Variants in VAC14 observed in about 807,000 individuals in gnomAD.
VAC14 encodes protein VAC14 homolog.
In VAC14, 47 loss-of-function variants were observed where a neutral mutation model predicts 85.3. The ratio of observed to expected loss-of-function variants is 0.55; its 90% CI spans 0.44 to 0.70. The LOEUF (loss-of-function observed/expected upper bound fraction) is 0.70, where lower values mean the gene tolerates loss of function less well. Among genes scored for constraint, VAC14 ranks in the 30% least tolerant of loss-of-function variants. The probability of loss-of-function intolerance (pLI) is 0.00; values close to 1 mark genes in which losing one functional copy is unlikely to be tolerated. For synonymous variants in VAC14, 447 were observed against 430.5 expected (o/e 1.04, Z -0.47); for missense variants, 861 against 1,004.3 (o/e 0.86, Z 1.93).
chr16:70,724,441 C>G (rs2054371043), intron 14 of VAC14, among the ~76,000 whole-genome samples: 1 of 152,192 alleles, frequency 6.6e-6, no homozygotes, highest in African/African-American at 2.4e-5. Flanking sequence ...GCAGGCTGGG[C>G]CAGGCTCTCT....
intron 1 of VAC14, among the ~76,000 whole-genome samples, chr16:70,793,859 C>G (rs2034435765): frequency 6.6e-6 from 1 of 152,254 alleles, no homozygotes; most frequent in Admixed American, 6.5e-5. Flanking sequence ...TTATACATAG[C>G]ACACGAGGTT....
In VAC14 at chr16:70,762,615, A is replaced by G; in HGVS notation, c.1306-10T>C. On this transcript the variant is annotated splice_polypyrimidine_tract_variant and intron_variant, in intron 11 of 18. Coordinates refer to ENST00000261776, the MANE Select transcript of VAC14 (RefSeq NM_018052.5). The surrounding 1 kb of genome is among the most constrained non-coding windows in gnomAD (Gnocchi z 4.1). ...CCGTGTGCCGGAACATCTGGAGGGC[A>G]GAGAAGCAGGGGTGCCCGTGAGTGC... is the stretch of plus-strand genomic sequence containing the variant. 1 of 1,613,950 alleles carries G rather than the reference A, an allele frequency of 6.2e-7. No individual in the cohort carries two copies.
At position 70,762,562 on chromosome 16, in the gene VAC14, G is replaced by T; in HGVS notation, c.1349C>A (p.Thr450Lys). The change falls in exon 12 of 19, where the codon ACG (threonine) becomes AAG (lysine). Residue 450 changes from threonine to lysine, a missense_variant. Transcript: ENST00000261776. The surrounding 1 kb of genome is among the most constrained non-coding windows in gnomAD (Gnocchi z 4.1). ...TACCTCATCCGATTCATCCGATAAC[G>T]TCTGCAGTAGGATGGGAAAGAGGCT... ...TDSLFPILLQ[T>K]LSDESDEVIL... 6.2e-7 allele frequency: 1 copy of T among 1,614,130 alleles called. No homozygotes were observed. Among genetic ancestry groups the T allele is most frequent in the Non-Finnish European group, 8.5e-7 (1 of 1,180,000 alleles).
intron 1 of VAC14, among the ~76,000 whole-genome samples, chr16:70,795,780 G>A (rs1180846212): frequency 6.6e-6 from 1 of 152,206 alleles, no homozygotes; most frequent in Admixed American, 6.5e-5. Context: ...TGAACTCAAA[G>A]TTCAAAAACA....
At chr16:70,717,328 G>A (rs1389075636) in intron 14 of VAC14, among the ~76,000 whole-genome samples, 2 of 152,258 alleles carry the variant, frequency 1.3e-5, no homozygotes, top group Non-Finnish European at 2.9e-5. Flanking sequence ...GGAGGAGGAA[G>A]AGCCAGCTGT....
At chr16:70,784,629 C>A in intron 4 of VAC14, 147 bp downstream of exon 4, 1 of 812,090 alleles carries the variant, frequency 1.2e-6, no homozygotes, top group Admixed American at 2.1e-5. Context: ...ATATTCTTGT[C>A]ATAGAACTGC....
intron 10 of VAC14, chr16:70,770,706 G>C (rs1228933996): frequency 1.3e-5 from 2 of 152,202 alleles, no homozygotes; most frequent in African/African-American, 4.8e-5. Flanking sequence ...ATGAAGGTCA[G>C]GGACACATTC....
chr16:70,799,725 G>T (rs2034687593), intron 1 of VAC14, among the ~76,000 whole-genome samples: 1 of 152,134 alleles, frequency 6.6e-6, no homozygotes, highest in Admixed American at 6.5e-5. Flanking sequence ...GAGAAACCCT[G>T]AGTTAAGGAA....
At chr16:70,715,383 CGGGCA>C (rs2142997207) in intron 14 of VAC14, 1 of 152,424 alleles carries the variant, frequency 6.6e-6, no homozygotes, top group Admixed American at 6.5e-5. Context: ...CTAACCCTGG[CGGGCA>C]GGGACTAGCT....
intron 10 of VAC14, among the ~76,000 whole-genome samples, chr16:70,764,884 C>T (rs2032685747): frequency 6.6e-6 from 1 of 152,202 alleles, no homozygotes; most frequent in African/African-American, 2.4e-5. Context: ...GTTTCCTAGC[C>T]ACTCCCTTAG....
chr16:70,710,436 G>C (rs190233681), intron 14 of VAC14, among the ~76,000 whole-genome samples: 14 of 152,316 alleles, frequency 9.2e-5, no homozygotes, highest in African/African-American at 3.4e-4. Context: ...CCTGCAAACC[G>C]CAGGGGGACT....
intron 7 of VAC14, 114 bp downstream of exon 7, chr16:70,782,919 C>T (rs1313618963): frequency 5.2e-6 from 5 of 966,054 alleles, no homozygotes; most frequent in African/African-American, 4.9e-5. Context: ...ATATTCCTAC[C>T]AGGAATCTCC....
chr16:70,688,665 C>T, intron 18 of VAC14: 1 of 985,624 alleles, frequency 1.0e-6, no homozygotes, highest in Non-Finnish European at 1.2e-6. Flanking sequence ...ATGCCTACAG[C>T]TCCTACATTC....
intron 14 of VAC14, among the ~76,000 whole-genome samples, chr16:70,701,379 C>A (rs2053824837): frequency 6.6e-6 from 1 of 152,158 alleles, no homozygotes; most frequent in Admixed American, 6.5e-5. Flanking sequence ...GACTTGCCAA[C>A]CCCCTCCTCA....
chr16:70,768,841 C>T, intron 10 of VAC14: 2 of 453,568 alleles, frequency 4.4e-6, no homozygotes, highest in Non-Finnish European at 8.8e-6. Context: ...CGCTCTGTCA[C>T]CCAGGCTAGA....
chr16:70,797,561 TC>T (rs1365189460), intron 1 of VAC14, among the ~76,000 whole-genome samples: 6 of 152,204 alleles, frequency 3.9e-5, no homozygotes, highest in Non-Finnish European at 7.3e-5. Context: ...CAATTCTCTC[TC>T]TATGTATACA....
chr16:70,763,660 G>A (rs1181712378), intron 10 of VAC14, among the ~76,000 whole-genome samples: 1 of 152,170 alleles, frequency 6.6e-6, no homozygotes, highest in Non-Finnish European at 1.5e-5. Context: ...ACCAAAATGC[G>A]CTCCTTTGAG....
At chr16:70,689,831 G>C (rs1250644242) in intron 18 of VAC14, 3 of 985,348 alleles carry the variant, frequency 3.0e-6, no homozygotes, top group Non-Finnish European at 3.6e-6. Flanking sequence ...AGTAACCTTG[G>C]GAACCAGGTG....
chr16:70,761,394 A>C, intron 12 of VAC14: 1 of 201,678 alleles, frequency 5.0e-6, no homozygotes, highest in Non-Finnish European at 1.0e-5. Flanking sequence ...CTTGGCGCTC[A>C]GAAGAGGAAA....
Sources: allele counts gnomAD v4.1 joint callset (sites outside exome capture counted in the v4.1 genomes callset), GRCh38; gene constraint gnomAD v4.1.1; non-coding constraint Gnocchi (gnomAD v3.1); transcripts MANE v1.5; gene names NCBI Gene and HGNC (gene_info 2026-07-23, HGNC 2026-07-21).